PELI2: variants seen among roughly 807,000 people sequenced by gnomAD.
The protein encoded by PELI2 is pellino E3 ubiquitin protein ligase family member 2.
Under a neutral mutation model 42.3 loss-of-function variants are expected in PELI2, and 23 were observed. That is an observed-to-expected ratio of 0.54 (90% confidence interval 0.39 to 0.77). PELI2 has a LOEUF of 0.77. Among genes scored for constraint, PELI2 ranks in the 30% least tolerant of loss-of-function variants. The pLI is 0.00. For missense variants in PELI2, 463 were observed against 553.2 expected (o/e 0.84, Z 1.64); for synonymous variants, 245 against 212.2 (o/e 1.15, Z -1.34).
At chr14:56,217,438 G>A (rs1886947330) in intron 2 of PELI2, among the ~76,000 whole-genome samples, 1 of 152,210 alleles carries the variant, frequency 6.6e-6, no homozygotes, top group East Asian at 1.9e-4. Context: ...GTATTCTGCT[G>A]TTGTAAGAGG....
At chr14:56,153,103 C>G (rs1884423425) in intron 1 of PELI2, among the ~76,000 whole-genome samples, 1 of 152,028 alleles carries the variant, frequency 6.6e-6, no homozygotes, top group African/African-American at 2.4e-5. Flanking sequence ...TTTCTTCCAC[C>G]TGGAGATTCA....
chr14:56,263,450 C>CT (rs1182065248), intron 2 of PELI2, among the ~76,000 whole-genome samples: 6 of 152,090 alleles, frequency 3.9e-5, no homozygotes, highest in Non-Finnish European at 8.8e-5. Context: ...GAATTACACT[C>CT]TATCTGAAGG....
chr14:56,246,638 G>T (rs1888171602), intron 2 of PELI2, among the ~76,000 whole-genome samples: 1 of 151,992 alleles, frequency 6.6e-6, no homozygotes, highest in African/African-American at 2.4e-5. Flanking sequence ...GTACCAGGAA[G>T]TATGGGCTTG....
intron 2 of PELI2, among the ~76,000 whole-genome samples, chr14:56,226,541 G>A (rs1416529671): frequency 2.0e-5 from 3 of 152,142 alleles, no homozygotes; most frequent in Non-Finnish European, 4.4e-5. Context: ...AAATGTACAG[G>A]TAATTAAGTA....
chr14:56,120,148 A>C (rs1462784628), intron 1 of PELI2, among the ~76,000 whole-genome samples: 1 of 152,210 alleles, frequency 6.6e-6, no homozygotes, highest in Non-Finnish European at 1.5e-5. Context: ...ATTGCACTTC[A>C]AAGACAAATA....
At chr14:56,260,485 T>C (rs185261955) in intron 2 of PELI2, among the ~76,000 whole-genome samples, 1 of 152,230 alleles carries the variant, frequency 6.6e-6, no homozygotes, top group African/African-American at 2.4e-5. Flanking sequence ...GTTTCAGGGA[T>C]TGGCTGCACA....
chr14:56,199,418 T>C (rs1886251627), intron 2 of PELI2, among the ~76,000 whole-genome samples: 2 of 152,226 alleles, frequency 1.3e-5, no homozygotes, highest in Admixed American at 1.3e-4. Context: ...CCAAGAACCA[T>C]GAGAATGAAA....
rs1890075286 is a variant in PELI2, at chr14:56,298,227, GT to G, written c.*1064del. The G allele has an allele frequency of 6.6e-6, 1 of 152,320 alleles. No individual in the cohort carries two copies. Among genetic ancestry groups the G allele is most frequent in the Admixed American group, 6.6e-5 (1 of 15,262 alleles). The allele number at this position is 152,320 out of a possible 1,614,324, so 9.4% of individuals were successfully genotyped here. On this transcript the variant is annotated 3_prime_UTR_variant, in exon 6 of 6. Transcript: ENST00000267460. ...AAGGAGCCCAGTAAGTTTTGAAAATGTTTGCGAATCAAACTAAATTTAAGTG... is the reference window on the plus strand; with the variant it reads ...AAGGAGCCCAGTAAGTTTTGAAAATGTTGCGAATCAAACTAAATTTAAGTG...
At chr14:56,151,693 A>T (rs762130276) in intron 1 of PELI2, among the ~76,000 whole-genome samples, 8 of 152,222 alleles carry the variant, frequency 5.3e-5, no homozygotes, top group Non-Finnish European at 7.3e-5. Context: ...CTGAGTTATT[A>T]TATGTAAAGT....
intron 2 of PELI2, among the ~76,000 whole-genome samples, chr14:56,209,396 C>A (rs1886634308): frequency 6.6e-6 from 1 of 152,150 alleles, no homozygotes; most frequent in African/African-American, 2.4e-5. Flanking sequence ...ATACTTTCAA[C>A]CCAATCGATG....
intron 1 of PELI2, among the ~76,000 whole-genome samples, chr14:56,162,776 T>C (rs942180760): frequency 6.6e-6 from 1 of 152,224 alleles, no homozygotes; most frequent in Non-Finnish European, 1.5e-5. Flanking sequence ...GCATTTATTA[T>C]TGCCTGTCGT....
chr14:56,211,528 A>C (rs1011310530), intron 2 of PELI2, among the ~76,000 whole-genome samples: 1 of 152,150 alleles, frequency 6.6e-6, no homozygotes, highest in Admixed American at 6.5e-5. Flanking sequence ...TATCTTTTTC[A>C]ACCTTGTTGG....
intron 1 of PELI2, among the ~76,000 whole-genome samples, chr14:56,157,659 T>A (rs1884617180): frequency 6.6e-6 from 1 of 152,220 alleles, no homozygotes; most frequent in African/African-American, 2.4e-5. Flanking sequence ...TTTGTTTGGC[T>A]GTTGTCCATT....
At chr14:56,248,896 A>G (rs1345313312) in intron 2 of PELI2, among the ~76,000 whole-genome samples, 1 of 152,072 alleles carries the variant, frequency 6.6e-6, no homozygotes, top group Non-Finnish European at 1.5e-5. Flanking sequence ...TGTAGAGGAT[A>G]TCATGTTTCT....
chr14:56,292,856 A>G, intron 5 of PELI2: 1 of 925,448 alleles, frequency 1.1e-6, no homozygotes, highest in Non-Finnish European at 1.3e-6. Context: ...TAGCTAGTTA[A>G]TGATAACATA....
intron 2 of PELI2, among the ~76,000 whole-genome samples, chr14:56,257,284 A>G (rs1400897008): frequency 6.6e-6 from 1 of 152,200 alleles, no homozygotes; most frequent in Non-Finnish European, 1.5e-5. Context: ...TTACAGTGTA[A>G]TGTGGGCTGG....
chr14:56,288,760 T>G lies in PELI2; in HGVS notation c.507+126T>G. The G allele has an allele frequency of 1.5e-6, 1 of 663,144 alleles. No homozygotes were observed. The allele number at this position is 663,144 out of a possible 1,614,324, so 41.1% of individuals were successfully genotyped here. Reference sequence around the variant, plus strand: ...TCTAGTGAGATTTTGAGATTTTAGTTTTCAGGTGGCCAGTTTGAGAAACTT... The same window carrying G: ...TCTAGTGAGATTTTGAGATTTTAGTGTTCAGGTGGCCAGTTTGAGAAACTT... On this transcript the variant is annotated intron_variant, in intron 4 of 5. Transcript: ENST00000267460. This position sits in a 1 kb window ranked among gnomAD's most constrained non-coding sequence, Gnocchi z 4.6.
intron 2 of PELI2, among the ~76,000 whole-genome samples, chr14:56,215,511 T>C (rs1456486139): frequency 6.6e-6 from 1 of 152,242 alleles, no homozygotes. Flanking sequence ...TATAGCTTTT[T>C]CAAAACATCA....
chr14:56,227,392 G>A (rs76557313), intron 2 of PELI2, among the ~76,000 whole-genome samples: 222 of 152,318 alleles, frequency 1.5e-3, no homozygotes, highest in Admixed American at 2.4e-3. Flanking sequence ...GTTACATACA[G>A]GAAAATAGAT....
Sources: allele counts gnomAD v4.1 joint callset (sites outside exome capture counted in the v4.1 genomes callset), GRCh38; gene constraint gnomAD v4.1.1; non-coding constraint Gnocchi (gnomAD v3.1); transcripts MANE v1.5; gene names NCBI Gene and HGNC (gene_info 2026-07-23, HGNC 2026-07-21).